HENMT1: variants seen among roughly 807,000 people sequenced by gnomAD.
HENMT1 encodes small RNA 2'-O-methyltransferase.
A neutral mutation model predicts 31.1 loss-of-function variants in HENMT1; 27 were observed. That is an observed-to-expected ratio of 0.87 (90% CI 0.64 to 1.20). The LOEUF (loss-of-function observed/expected upper bound fraction) is 1.20. Among genes scored for constraint, HENMT1 ranks in the 50% most tolerant of loss-of-function variants. The pLI is 0.00. For missense variants in HENMT1, 438 were observed against 469.6 expected (o/e 0.93, Z 0.62); for synonymous variants, 167 against 172.2 (o/e 0.97, Z 0.24).
At chr1:108,650,089 G>T in intron 7 of HENMT1, 122 bp downstream of exon 7, 1 of 874,356 alleles carries the variant, frequency 1.1e-6, no homozygotes, top group Non-Finnish European at 1.9e-6. Context: ...AATTCTCCTA[G>T]AGTGAACCAC....
intron 2 of HENMT1, among the ~76,000 whole-genome samples, chr1:108,658,538 C>T (rs2101003118): frequency 6.6e-6 from 1 of 152,290 alleles, no homozygotes; most frequent in East Asian, 1.9e-4. Context: ...AGTAGTTGGG[C>T]ATCTGTAGGA....
chr1:108,660,701 G>A lies in HENMT1; in HGVS notation c.-79+262C>T, dbSNP rs1056493146. Among the ~76,000 whole-genome samples the A allele has an allele frequency of 3.3e-5, 5 of 151,928 alleles. No individual in the cohort carries two copies. In the South Asian group the frequency reaches 8.3e-4, roughly 25 times the overall value. ...GCACTTTGGGAGGCCGAGGCGGGCG[G>A]ATCACGAGGTCAGGAGATCGAGACC... On this transcript the variant is annotated intron_variant, in intron 1 of 7. Coordinates refer to ENST00000651461, the MANE Select transcript of HENMT1 (RefSeq NM_001102592.2).
In HENMT1 at chr1:108,650,349, C is replaced by T. The variant is rs1272612900; in HGVS notation, c.618G>A (p.Glu206=). 6.2e-7 allele frequency: 1 copy of T among 1,614,150 alleles called. No individual in the cohort carries two copies. The highest frequency in any genetic ancestry group is 1.1e-5 in the South Asian group (1 of 91,086). The change falls in exon 7 of 8, where the codon GAG becomes GAA. Residue 206 remains glutamate, a synonymous_variant. Transcript: ENST00000651461. ...YVANRYDYSV[E]FTGVGEPPAG... is the part of the protein sequence containing the mutation. The stretch of plus-strand genomic sequence containing the variant: ...CTGGTGGTTCCCCGACACCAGTAAA[C>T]TCCACAGAGTAATCATAGCGATTTG...
chr1:108,658,550 C>T (rs181268554), intron 2 of HENMT1, among the ~76,000 whole-genome samples: 1 of 152,330 alleles, frequency 6.6e-6, no homozygotes, highest in Admixed American at 6.5e-5. Context: ...TCTGTAGGAA[C>T]ATTCCAACAC....
chr1:108,650,356 G>A lies in HENMT1; in HGVS notation c.611C>T (p.Ser204Phe). 1 of 1,613,926 alleles carries A rather than the reference G, an allele frequency of 6.2e-7. No individual in the cohort carries two copies. The highest frequency in any genetic ancestry group is 8.5e-7 in the Non-Finnish European group (1 of 1,179,980). Residue 204 changes from serine to phenylalanine, a missense_variant, in exon 7 of 8, where the codon TCT (serine) becomes TTT (phenylalanine). By Grantham distance (155) the Ser-to-Phe change is radical (BLOSUM62 -2). Coordinates refer to ENST00000651461, the MANE Select transcript of HENMT1 (RefSeq NM_001102592.2). ...TTCCCCGACACCAGTAAACTCCACAGAGTAATCATAGCGATTTGCCACATA... is the reference window on the plus strand; with the variant it reads ...TTCCCCGACACCAGTAAACTCCACAAAGTAATCATAGCGATTTGCCACATA... Reference protein sequence around the residue: ...ALYVANRYDYSVEFTGVGEPP... With the variant: ...ALYVANRYDYFVEFTGVGEPP...
At chr1:108,649,252 T>C in intron 7 of HENMT1, 1 of 589,226 alleles carries the variant, frequency 1.7e-6, no homozygotes, top group South Asian at 1.5e-5. Flanking sequence ...ACCCAGTATT[T>C]CTACTTGATA....
In HENMT1 at chr1:108,648,483, A is replaced by C. The variant is rs1657940872; in HGVS notation, c.*83T>G. 1.4e-5 allele frequency: 16 copies of C among 1,146,924 alleles called. No homozygotes were observed. The highest frequency in any genetic ancestry group is 2.0e-5 in the Non-Finnish European group (16 of 812,906). 71.0% of individuals were successfully genotyped at this position (1,146,924 alleles called of 1,614,324 possible). A position where few individuals can be genotyped will look rare whatever the true frequency, so the allele number is the denominator to read the frequency against. On this transcript the variant is annotated 3_prime_UTR_variant, in exon 8 of 8. Coordinates refer to ENST00000651461, the MANE Select transcript of HENMT1 (RefSeq NM_001102592.2). ...AGTGAAACTTTAAAAACATTACTTG[A>C]ATTAGGATTACACAAAAAAAACTAA...
intron 1 of HENMT1, 136 bp downstream of exon 1, chr1:108,660,827 G>C (rs545053505): frequency 4.4e-6 from 1 of 225,004 alleles, no homozygotes; most frequent in Non-Finnish European, 7.4e-6. Flanking sequence ...GGGAGGCTGA[G>C]GCAGGAGAAT....
At chr1:108,655,047 A>G (rs1350814506) in intron 4 of HENMT1, among the ~76,000 whole-genome samples, 197 bp from the exon 5 acceptor site, 1 of 152,214 alleles carries the variant, frequency 6.6e-6, no homozygotes, top group African/African-American at 2.4e-5. Flanking sequence ...TTACTGGCCA[A>G]TGAAAAAAAG....
At chr1:108,661,144 C>G (rs536046191), upstream of HENMT1, 29 of 298,332 alleles carry the variant, frequency 9.7e-5, no homozygotes, top group East Asian at 4.9e-3. Context: ...TACGCCGGCG[C>G]CCGCACCCGC....
At chr1:108,656,494 T>C (rs1658247289) in intron 3 of HENMT1, among the ~76,000 whole-genome samples, 2 of 152,212 alleles carry the variant, frequency 1.3e-5, no homozygotes, top group Admixed American at 1.3e-4. Flanking sequence ...TATGATCTAA[T>C]TTTCTTTTTG....
At chr1:108,650,037 G>A (rs1158444487) in intron 7 of HENMT1, 174 bp downstream of exon 7, 1 of 705,140 alleles carries the variant, frequency 1.4e-6, no homozygotes, top group South Asian at 1.5e-5. Context: ...AGTCTCAAAG[G>A]ACACCGTAGG....
chr1:108,649,066 CTTT>C (rs1657967683), intron 7 of HENMT1, 75 bp from the exon 8 acceptor site: 1 of 1,231,482 alleles, frequency 8.1e-7, no homozygotes, highest in Admixed American at 2.8e-5. Flanking sequence ...CCATCAATAA[CTTT>C]TTTGCCATGT....
In HENMT1 at chr1:108,652,787, A is replaced by G. The variant is rs1016553445; in HGVS notation, c.399-1578T>C. On this transcript the variant is annotated intron_variant, in intron 5 of 7. Coordinates refer to ENST00000651461, the MANE Select transcript of HENMT1 (RefSeq NM_001102592.2). ...GTGAAACCCCATCTCTACTAAAAAT[A>G]CAAAAAATTAGCCAGGTGTGGTGGC... Among the ~76,000 whole-genome samples the G allele has an allele frequency of 3.0e-4, 46 of 152,110 alleles. No individual in the cohort carries two copies. The Middle Eastern group carries it at 0.01, about 34-fold the overall frequency.
intron 5 of HENMT1, among the ~76,000 whole-genome samples, chr1:108,653,327 C>T (rs779008105): frequency 6.6e-6 from 1 of 152,138 alleles, no homozygotes; most frequent in Non-Finnish European, 1.5e-5. Context: ...AAATACCACA[C>T]TTTCTTTATC....
At chr1:108,649,419 A>G in intron 7 of HENMT1, 1 of 456,308 alleles carries the variant, frequency 2.2e-6, no homozygotes, top group Non-Finnish European at 4.4e-6. Context: ...TGGGCAACAT[A>G]GTGAGACCCT....
At chr1:108,649,123 C>T (rs552556681) in intron 7 of HENMT1, 132 bp from the exon 8 acceptor site, 28 of 681,154 alleles carry the variant, frequency 4.1e-5, no homozygotes, top group South Asian at 1.5e-4. Context: ...TCCTACTAAT[C>T]GTAAATGCCT....
chr1:108,655,099 C>T (rs1378529892), intron 4 of HENMT1, among the ~76,000 whole-genome samples: 3 of 152,224 alleles, frequency 2.0e-5, no homozygotes, highest in Admixed American at 1.3e-4. Context: ...ATTTGTAATA[C>T]TTTTGGTTTT....
At chr1:108,658,455 G>C (rs927102503) in intron 2 of HENMT1, among the ~76,000 whole-genome samples, 6 of 152,134 alleles carry the variant, frequency 3.9e-5, no homozygotes, top group African/African-American at 1.4e-4. Context: ...AAGAGAGAGA[G>C]AGGATCTCAC....
Sources: allele counts gnomAD v4.1 joint callset (sites outside exome capture counted in the v4.1 genomes callset), GRCh38; gene constraint gnomAD v4.1.1; transcripts MANE v1.5; gene names NCBI Gene and HGNC (gene_info 2026-07-23, HGNC 2026-07-21).